ITPR2: variants seen among roughly 807,000 people sequenced by gnomAD.
ITPR2 encodes the protein inositol 1,4,5-trisphosphate-gated calcium channel ITPR2.
Under a neutral mutation model 317.1 loss-of-function variants are expected in ITPR2, and 207 were observed. The ratio of observed to expected loss-of-function variants is 0.65; its 90% CI spans 0.58 to 0.73. ITPR2 has a LOEUF of 0.73. Among genes scored for constraint, ITPR2 ranks in the 30% least tolerant of loss-of-function variants. The probability of loss-of-function intolerance (pLI) is 0.00; values close to 1 mark genes in which losing one functional copy is unlikely to be tolerated. For synonymous variants in ITPR2, 1,156 were observed against 1,149.1 expected (o/e 1.01, Z -0.12); for missense variants, 2,613 against 3,284.0 (o/e 0.80, Z 4.99).
intron 14 of ITPR2, 146 bp downstream of exon 14, chr12:26,665,764 A>C (rs950591663): frequency 1.4e-6 from 1 of 706,518 alleles, no homozygotes; most frequent in Non-Finnish European, 2.3e-6. Flanking sequence ...TACTCCACAG[A>C]AACTGTGAGA....
rs1383174854 is a variant in ITPR2, at chr12:26,420,667, T to A, written c.6946-1454A>T. The stretch of plus-strand genomic sequence containing the variant: ...TCATGTCTTATTTCACTGTTTAGTG[T>A]TTCATCATCAATATCTTATGCTATT... On this transcript the variant is annotated intron_variant, in intron 49 of 56. Transcript: ENST00000381340. Among the ~76,000 whole-genome samples, 3 of 152,166 alleles carry A rather than the reference T, an allele frequency of 2.0e-5. No homozygotes were observed. In the East Asian group the frequency reaches 5.8e-4, roughly 29 times the overall value.
At chr12:26,388,726 T>C (rs538569009) in intron 54 of ITPR2, among the ~76,000 whole-genome samples, 18 of 152,246 alleles carry the variant, frequency 1.2e-4, no homozygotes, top group African/African-American at 4.1e-4. Flanking sequence ...AAGTAAAAAA[T>C]CTGTCCCCAT....
At chr12:26,771,708 G>T (rs766884825) in intron 2 of ITPR2, among the ~76,000 whole-genome samples, 25 of 151,970 alleles carry the variant, frequency 1.6e-4, no homozygotes, top group Non-Finnish European at 2.9e-4. Flanking sequence ...TAGAGACAGG[G>T]TTTCACTGTG....
intron 37 of ITPR2, among the ~76,000 whole-genome samples, chr12:26,513,602 A>G (rs1943412718): frequency 6.6e-6 from 1 of 152,100 alleles, no homozygotes; most frequent in African/African-American, 2.4e-5. Flanking sequence ...TGAAGCTGCC[A>G]TGAAAAGTCA....
intron 1 of ITPR2, among the ~76,000 whole-genome samples, chr12:26,819,665 T>A (rs1950910456): frequency 6.6e-6 from 1 of 152,082 alleles, no homozygotes; most frequent in Admixed American, 6.5e-5. Flanking sequence ...AGAAATGGCT[T>A]CACAAAATGC....
chr12:26,559,455 T>C (rs995029951), intron 35 of ITPR2, among the ~76,000 whole-genome samples: 8 of 152,338 alleles, frequency 5.3e-5, no homozygotes, highest in African/African-American at 1.9e-4. Context: ...AGGGTACTTC[T>C]CTTGCTGTGT....
intron 46 of ITPR2, 76 bp from the exon 47 acceptor site, chr12:26,439,395 GT>G: frequency 9.6e-7 from 1 of 1,041,270 alleles, no homozygotes; most frequent in Non-Finnish European, 1.4e-6. Context: ...TTTAACATGA[GT>G]TTACTGAGAA....
intron 44 of ITPR2, among the ~76,000 whole-genome samples, chr12:26,475,754 A>G (rs918073531): frequency 1.3e-5 from 2 of 152,196 alleles, no homozygotes; most frequent in Non-Finnish European, 2.9e-5. Flanking sequence ...TGCCCTGGGA[A>G]GTGAGGACCC....
chr12:26,806,747 C>T (rs1950644894), intron 1 of ITPR2, among the ~76,000 whole-genome samples: 1 of 152,138 alleles, frequency 6.6e-6, no homozygotes, highest in South Asian at 2.1e-4. Context: ...GCCACGTTTC[C>T]CACTCTGGTC....
chr12:26,675,050 GGT>G (rs1418406330), intron 13 of ITPR2, among the ~76,000 whole-genome samples: 1 of 152,142 alleles, frequency 6.6e-6, no homozygotes, highest in Admixed American at 6.5e-5. Flanking sequence ...AGAAACAACA[GGT>G]GCTGGAGAGG....
intron 32 of ITPR2, among the ~76,000 whole-genome samples, chr12:26,582,273 T>C (rs1565619054): frequency 6.6e-6 from 1 of 152,040 alleles, no homozygotes; most frequent in Non-Finnish European, 1.5e-5. Context: ...TACATATGAA[T>C]ATTTCTTTAT....
chr12:26,666,095 AT>A, intron 13 of ITPR2, 44 bp from the exon 14 acceptor site: 1 of 1,500,876 alleles, frequency 6.7e-7, no homozygotes. Context: ...AGTGTGCTTA[AT>A]TTTGGAAAAT....
Position 26,656,510 on chromosome 12 carries a change from C to T in ITPR2, c.2231G>A (p.Arg744His). Residue 744 changes from arginine (R) to histidine (H), a missense_variant, in exon 19 of 57, where the codon CGC becomes CAC. By Grantham distance (29) the Arg-to-His change is conservative. This residue lies in a region of ITPR2 where 817 missense variants were observed against 897.6 expected (regional missense o/e 0.91). Coordinates refer to ENST00000381340, the MANE Select transcript of ITPR2 (RefSeq NM_002223.4). ...AATCTGGTTTATGGCCAGATACTGG[C>T]GATCCAAGCACATCCTTGCAAAGAG... is the stretch of plus-strand genomic sequence containing the variant. ...LNLFARMCLD[R>H]QYLAINQIST... 1 of 1,614,106 alleles carries T rather than the reference C, an allele frequency of 6.2e-7. No individual in the cohort carries two copies. Among genetic ancestry groups the T allele is most frequent in the Non-Finnish European group, 8.5e-7 (1 of 1,180,006 alleles).
chr12:26,445,761 A>G (rs73288303), intron 45 of ITPR2, among the ~76,000 whole-genome samples: 343 of 152,302 alleles, frequency 2.3e-3, no homozygotes, highest in African/African-American at 7.9e-3. Flanking sequence ...GGAAGTATAA[A>G]CAAGGAGTGT....
In ITPR2 at chr12:26,364,528, C is replaced by T. The variant is rs11837452; in HGVS notation, c.7857+22906G>A. Among the ~76,000 whole-genome samples, 843 of 152,190 alleles carry T rather than the reference C, an allele frequency of 5.5e-3. 7 individuals carry two copies. The highest frequency in any genetic ancestry group is 0.02 in the African/African-American group (810 of 41,522). ...ACTCACACACAGGATTTAAGCAAGC[C>T]CTTGTCTAAACTCTAGTCTCCAGCT... On this transcript the variant is annotated intron_variant, in intron 55 of 56. Coordinates refer to ENST00000381340, the MANE Select transcript of ITPR2 (RefSeq NM_002223.4).
At chr12:26,375,744 T>C (rs940726947) in intron 55 of ITPR2, among the ~76,000 whole-genome samples, 1 of 152,238 alleles carries the variant, frequency 6.6e-6, no homozygotes, top group Non-Finnish European at 1.5e-5. Context: ...TCCAGCAACT[T>C]ACAAATCTTT....
chr12:26,375,682 G>A (rs1434506197), intron 55 of ITPR2, among the ~76,000 whole-genome samples: 1 of 152,144 alleles, frequency 6.6e-6, no homozygotes, highest in East Asian at 1.9e-4. Flanking sequence ...AGTCTATATA[G>A]TTTCCTTTGC....
intron 13 of ITPR2, among the ~76,000 whole-genome samples, chr12:26,670,273 T>C (rs577690096): frequency 0.023 from 3,431 of 152,270 alleles, 43 homozygotes; most frequent in Non-Finnish European, 0.034. Context: ...CCCTGACCCC[T>C]GAGCAGCCTA....
chr12:26,446,041 T>C (rs926221599), intron 45 of ITPR2, among the ~76,000 whole-genome samples: 2 of 151,692 alleles, frequency 1.3e-5, no homozygotes, highest in Non-Finnish European at 2.9e-5. Flanking sequence ...ATTCAGGAGG[T>C]TGGGTGGTTG....
Sources: allele counts gnomAD v4.1 joint callset (sites outside exome capture counted in the v4.1 genomes callset), GRCh38; gene constraint gnomAD v4.1.1; regional missense constraint gnomAD v4.1.1; transcripts MANE v1.5; gene names NCBI Gene and HGNC (gene_info 2026-07-23, HGNC 2026-07-21).